LRBA: variants seen among roughly 807,000 people sequenced by gnomAD.
LRBA encodes the protein LPS responsive beige-like anchor protein, also known as lipopolysaccharide-responsive and beige-like anchor protein.
Under a neutral mutation model 330.0 loss-of-function variants are expected in LRBA, and 176 were observed. The observed-to-expected ratio is 0.53, with a 90% confidence interval of 0.47 to 0.60. The LOEUF (loss-of-function observed/expected upper bound fraction) is 0.60, where lower values mean the gene tolerates loss of function less well. Among genes scored for constraint, LRBA ranks in the 20% least tolerant of loss-of-function variants. The pLI, the probability that LRBA is intolerant of heterozygous loss-of-function variation, is 0.00. For missense variants in LRBA, 3,259 were observed against 3,444.8 expected, an observed-to-expected ratio of 0.95 and a Z score of 1.35; for synonymous variants, 1,230 against 1,193.0, an observed-to-expected ratio of 1.03 and a Z score of -0.64.
At chr4:150,827,095 G>C (rs187274950) in intron 30 of LRBA, among the ~76,000 whole-genome samples, 14 of 152,304 alleles carry the variant, frequency 9.2e-5, no homozygotes, top group Non-Finnish European at 1.6e-4. Flanking sequence ...CACAAGAACA[G>C]AAGGATCAAC....
At chr4:150,957,286 C>T (rs1175542693) in intron 2 of LRBA, among the ~76,000 whole-genome samples, 1 of 148,546 alleles carries the variant, frequency 6.7e-6, no homozygotes, top group African/African-American at 2.6e-5. Flanking sequence ...GCCTCACAAT[C>T]ATGGCTGAAG....
intron 5 of LRBA, 96 bp from the exon 6 acceptor site, chr4:150,916,834 T>C: frequency 2.2e-6 from 2 of 899,256 alleles, no homozygotes; most frequent in South Asian, 4.6e-5. Context: ...ATATTTGTAC[T>C]ACATCACATT....
At chr4:150,787,842 C>A (rs1739303900) in intron 34 of LRBA, among the ~76,000 whole-genome samples, 1 of 152,218 alleles carries the variant, frequency 6.6e-6, no homozygotes, top group South Asian at 2.1e-4. Context: ...TCTCTACTAT[C>A]TCTGAGTTCA....
intron 41 of LRBA, among the ~76,000 whole-genome samples, chr4:150,489,082 AT>A: frequency 2.1e-5 from 1 of 46,720 alleles, no homozygotes; most frequent in Non-Finnish European, 3.8e-5. Context: ...TATATATAAT[AT>A]TATATAAGAA....
intron 30 of LRBA, among the ~76,000 whole-genome samples, chr4:150,822,550 T>C (rs2126788640): frequency 6.6e-6 from 1 of 152,234 alleles, no homozygotes; most frequent in Non-Finnish European, 1.5e-5. Context: ...CAGGATCGCT[T>C]GAGGTCAGGA....
chr4:150,375,493 T>G (rs1027491421), intron 47 of LRBA, among the ~76,000 whole-genome samples: 1 of 151,938 alleles, frequency 6.6e-6, no homozygotes, highest in African/African-American at 2.4e-5. Context: ...AGTCTCACTA[T>G]GTCACCTAGG....
chr4:150,766,056 A>C (rs1357749408), intron 34 of LRBA, among the ~76,000 whole-genome samples: 2 of 152,076 alleles, frequency 1.3e-5, no homozygotes, highest in Non-Finnish European at 2.9e-5. Flanking sequence ...TCAGAAACTC[A>C]AATTTATTAC....
intron 40 of LRBA, among the ~76,000 whole-genome samples, chr4:150,567,544 C>T (rs28447376): frequency 0.061 from 9,287 of 152,146 alleles, 458 homozygotes; most frequent in East Asian, 0.18. Context: ...TTATGCTTTA[C>T]TGCTTCTGAG....
intron 37 of LRBA, among the ~76,000 whole-genome samples, chr4:150,648,607 T>C (rs1412466703): frequency 1.3e-5 from 2 of 150,952 alleles, no homozygotes; most frequent in South Asian, 2.1e-4. Flanking sequence ...CTGCCTCTGA[T>C]TGAGAACCCT....
rs572058630 is a variant in LRBA, at chr4:150,841,426, G to A, written c.4569+2674C>T. Among the ~76,000 whole-genome samples, 7 of 152,128 alleles carry A rather than the reference G, an allele frequency of 4.6e-5. No individual in the cohort carries two copies. The South Asian group carries it at 6.2e-4, about 14-fold the overall frequency. On this transcript the variant is annotated intron_variant, in intron 28 of 56. Transcript: ENST00000651943. ...AGCTGTCATTTATTGAATACTTACC[G>A]TAGGCCAGGCACTGTGCTATGTATT...
At position 150,435,685 on chromosome 4, in the gene LRBA, T is replaced by C. The variant is rs767970119; in HGVS notation, c.6945A>G (p.Leu2315=). 1.2e-6 allele frequency: 2 copies of C among 1,611,182 alleles called. No individual in the cohort carries two copies. Among genetic ancestry groups the C allele is most frequent in the South Asian group, 1.1e-5 (1 of 90,290 alleles). The part of the protein sequence containing the change: ...LRIEPFTTYF[L]NLQGGKFDHA... ...GATCAAATTTGCCTCCTTGCAAATT[T>C]AGGAAATAAGTTGTAAAGGGTTCCT... The change falls in exon 46 of 57, where the codon CTA becomes CTG. Residue 2315 remains leucine, a synonymous_variant. Transcript: ENST00000651943.
At chr4:150,573,190 G>A (rs1371155987) in intron 40 of LRBA, among the ~76,000 whole-genome samples, 2 of 152,132 alleles carry the variant, frequency 1.3e-5, no homozygotes, top group African/African-American at 2.4e-5. Context: ...AAAACAGAAG[G>A]TTGTAACTGT....
intron 37 of LRBA, among the ~76,000 whole-genome samples, chr4:150,681,079 C>A (rs547070160): frequency 3.9e-4 from 60 of 152,166 alleles, no homozygotes; most frequent in African/African-American, 1.2e-3. Context: ...AGATAAAATG[C>A]AAAGAAATTA....
intron 49 of LRBA, among the ~76,000 whole-genome samples, chr4:150,322,994 T>C (rs1732732403): frequency 7.5e-6 from 1 of 132,764 alleles, no homozygotes; most frequent in Non-Finnish European, 1.6e-5. Flanking sequence ...TGTGTGTGTC[T>C]CTGTGTGTGT....
intron 26 of LRBA, among the ~76,000 whole-genome samples, chr4:150,847,416 TA>T (rs1439115322): frequency 4.6e-5 from 7 of 152,218 alleles, no homozygotes; most frequent in Admixed American, 6.5e-5. Context: ...ATTTTACATT[TA>T]AACTAATACT....
At chr4:150,624,694 G>T (rs1271003232) in intron 37 of LRBA, among the ~76,000 whole-genome samples, 3 of 151,824 alleles carry the variant, frequency 2.0e-5, no homozygotes. Flanking sequence ...ATTAAAACTA[G>T]ATAAAGGAAT....
intron 36 of LRBA, among the ~76,000 whole-genome samples, chr4:150,708,164 GA>G (rs34520593): frequency 0.71 from 107,661 of 151,486 alleles, 42,819 homozygotes; most frequent in Non-Finnish European, 0.9. Context: ...CTATTAGAAA[GA>G]AAACACTAAA....
At chr4:150,684,602 T>G (rs890095543) in intron 36 of LRBA, among the ~76,000 whole-genome samples, 2 of 152,202 alleles carry the variant, frequency 1.3e-5, no homozygotes, top group Non-Finnish European at 2.9e-5. Context: ...TCCAAAATGC[T>G]TATTTCTCTT....
chr4:150,900,474 C>G (rs1174924034), intron 13 of LRBA, among the ~76,000 whole-genome samples: 2 of 152,128 alleles, frequency 1.3e-5, no homozygotes, highest in Non-Finnish European at 2.9e-5. Flanking sequence ...CTGCATTATT[C>G]CATGAAAATA....
Sources: allele counts gnomAD v4.1 joint callset (sites outside exome capture counted in the v4.1 genomes callset), GRCh38; gene constraint gnomAD v4.1.1; transcripts MANE v1.5; gene names NCBI Gene and HGNC (gene_info 2026-07-23, HGNC 2026-07-21).